Variants in RPRD2 observed in about 807,000 individuals in gnomAD.
RPRD2 encodes the protein regulation of nuclear pre-mRNA domain containing 2.
Under a neutral mutation model 104.4 loss-of-function variants are expected in RPRD2, and 12 were observed. The observed-to-expected ratio is 0.11, with a 90% CI of 0.07 to 0.19. The LOEUF is 0.19. Among genes scored for constraint, RPRD2 ranks in the 10% least tolerant of loss-of-function variants. The pLI is 1.00. For missense variants in RPRD2, 1,543 were observed against 1,790.1 expected, an observed-to-expected ratio of 0.86 and a Z score of 2.49; for synonymous variants, 714 against 684.9, an observed-to-expected ratio of 1.04 and a Z score of -0.66.
intron 1 of RPRD2, among the ~76,000 whole-genome samples, chr1:150,370,477 C>T (rs1322805935): frequency 3.3e-5 from 5 of 150,930 alleles, no homozygotes; most frequent in South Asian, 2.1e-4. Context: ...TTGTGAGAGA[C>T]GAATTGGACT....
intron 2 of RPRD2, among the ~76,000 whole-genome samples, chr1:150,428,168 T>G (rs1452362616): frequency 2.0e-5 from 3 of 152,040 alleles, no homozygotes; most frequent in African/African-American, 7.2e-5. Flanking sequence ...ATTTTTAGAA[T>G]GAAAATCTAT....
Position 150,475,368 on chromosome 1 carries a change from T to C in RPRD2, c.*2034T>C, listed in dbSNP as rs1668842480. 6.6e-6 allele frequency: 1 copy of C among 152,488 alleles called. No individual in the cohort carries two copies. The highest frequency in any genetic ancestry group is 6.5e-5 in the Admixed American group (1 of 15,276). 9.4% of individuals were successfully genotyped at this position (152,488 alleles called of 1,614,324 possible). A position where few individuals can be genotyped will look rare whatever the true frequency, so the allele number is the denominator to read the frequency against. Reference sequence around the variant, plus strand: ...AAAGAATGTGAATTCTCTTTGCTGCTCTTGTTTAAGCTAAAAGTAGTGTTT... The same window carrying C: ...AAAGAATGTGAATTCTCTTTGCTGCCCTTGTTTAAGCTAAAAGTAGTGTTT... On this transcript the variant is annotated 3_prime_UTR_variant, in exon 11 of 11. Coordinates refer to ENST00000369068, the MANE Select transcript of RPRD2 (RefSeq NM_015203.5).
chr1:150,474,493 A>G lies in RPRD2; in HGVS notation c.*1159A>G, dbSNP rs1410957202. The stretch of plus-strand genomic sequence containing the variant: ...ATTTCAAGGCTCAAGTCTTACCCCC[A>G]CCTCTCGCTCCCAATAGGAAATAAA... On this transcript the variant is annotated 3_prime_UTR_variant, in exon 11 of 11. Coordinates refer to ENST00000369068, the MANE Select transcript of RPRD2 (RefSeq NM_015203.5). The G allele has an allele frequency of 6.6e-6, 1 of 151,780 alleles. No homozygotes were observed. Among genetic ancestry groups the G allele is most frequent in the Non-Finnish European group, 1.5e-5 (1 of 67,950 alleles). The allele number at this position is 151,780 out of a possible 1,614,324, so 9.4% of individuals were successfully genotyped here. A position where few individuals can be genotyped will look rare whatever the true frequency, so the allele number is the denominator to read the frequency against.
intron 2 of RPRD2, among the ~76,000 whole-genome samples, chr1:150,429,687 A>G (rs945449815): frequency 1.3e-5 from 2 of 152,214 alleles, no homozygotes; most frequent in Admixed American, 1.3e-4. Flanking sequence ...CTATTTAGTA[A>G]CAGCAAAGAA....
chr1:150,388,257 T>A (rs1428180446), intron 1 of RPRD2, among the ~76,000 whole-genome samples: 2 of 151,676 alleles, frequency 1.3e-5, no homozygotes, highest in Non-Finnish European at 2.9e-5. Context: ...TTTGCAGTAG[T>A]TTTGGATTTA....
intron 2 of RPRD2, among the ~76,000 whole-genome samples, chr1:150,430,152 G>A (rs587766089): frequency 2.0e-5 from 3 of 152,284 alleles, no homozygotes; most frequent in Admixed American, 2.0e-4. Context: ...CATCGATTTA[G>A]TTCCTTCCCA....
intron 2 of RPRD2, among the ~76,000 whole-genome samples, chr1:150,422,364 T>TAATA (rs1664824651): frequency 1.0e-5 from 1 of 97,810 alleles, no homozygotes; most frequent in African/African-American, 3.9e-5. Context: ...ATAATAATAA[T>TAATA]AATAAATAAA....
intron 1 of RPRD2, among the ~76,000 whole-genome samples, chr1:150,413,464 G>A (rs1664093322): frequency 6.6e-6 from 1 of 152,142 alleles, no homozygotes; most frequent in Non-Finnish European, 1.5e-5. Context: ...TTAGCTGGGT[G>A]CGGTGGCGCA....
chr1:150,445,503 G>A (rs781898047), intron 6 of RPRD2, among the ~76,000 whole-genome samples: 2 of 152,132 alleles, frequency 1.3e-5, no homozygotes, highest in African/African-American at 2.4e-5. Flanking sequence ...TACTTTTCTC[G>A]TTTAAGAGAT....
At chr1:150,432,447 T>C (rs1665669826) in intron 2 of RPRD2, among the ~76,000 whole-genome samples, 1 of 151,870 alleles carries the variant, frequency 6.6e-6, no homozygotes. Flanking sequence ...CTTAATGTGG[T>C]AGTATTAAGA....
chr1:150,371,998 A>G (rs1553878477), intron 1 of RPRD2, among the ~76,000 whole-genome samples: 1 of 152,194 alleles, frequency 6.6e-6, no homozygotes, highest in East Asian at 1.9e-4. Context: ...ATTAATTAAA[A>G]AAAGGGAAAA....
chr1:150,433,727 T>G (rs1665784774), intron 2 of RPRD2, among the ~76,000 whole-genome samples: 1 of 119,006 alleles, frequency 8.4e-6, no homozygotes, highest in Admixed American at 7.9e-5. Context: ...TACCATAGTT[T>G]TTTTTTTAAC....
At chr1:150,448,409 T>C (rs1385384214) in intron 7 of RPRD2, among the ~76,000 whole-genome samples, 1 of 152,126 alleles carries the variant, frequency 6.6e-6, no homozygotes, top group Non-Finnish European at 1.5e-5. Context: ...CCTCAAGTGA[T>C]CCACCCACCT....
rs928029512 is a variant in RPRD2 at position 150,415,140 on chromosome 1, A to C, written c.206-2456A>C. On this transcript the variant is annotated intron_variant, in intron 1 of 10. Transcript: ENST00000369068. ...AGGATTTCAAGACCAGCCTGCCAGC[A>C]TAACATAGTGAAACTCCATCTCTAC... is the stretch of plus-strand genomic sequence containing the variant. Among the ~76,000 whole-genome samples the C allele has an allele frequency of 9.2e-5, 14 of 152,128 alleles. No individual in the cohort carries two copies. The South Asian group carries it at 2.5e-3, about 27-fold the overall frequency.
intron 7 of RPRD2, among the ~76,000 whole-genome samples, chr1:150,448,030 T>G (rs781960342): frequency 3.3e-5 from 5 of 152,234 alleles, no homozygotes; most frequent in Non-Finnish European, 7.3e-5. Flanking sequence ...ATTAAAGGAC[T>G]GTATTTACTA....
chr1:150,438,958 C>T (rs1260771196), intron 2 of RPRD2, among the ~76,000 whole-genome samples: 1 of 152,096 alleles, frequency 6.6e-6, no homozygotes, highest in Non-Finnish European at 1.5e-5. Context: ...CCTCAGCGTC[C>T]CGAGTAGCTG....
Position 150,471,415 on chromosome 1 carries a change from C to T in RPRD2, c.2467C>T (p.Pro823Ser). 6.2e-7 allele frequency: 1 copy of T among 1,613,828 alleles called. No individual in the cohort carries two copies. The highest frequency in any genetic ancestry group is 8.5e-7 in the Non-Finnish European group (1 of 1,179,870). ...GGACTCTTCACAGGAAAAGTTCTACCCAGATACTTCTTTCCAAGAAGATGA... is the reference window on the plus strand; with the variant it reads ...GGACTCTTCACAGGAAAAGTTCTACTCAGATACTTCTTTCCAAGAAGATGA... The part of the protein sequence containing the change: ...LMDSSQEKFY[P>S]DTSFQEDEDY... The change falls in exon 11 of 11, where the codon CCA (proline) becomes TCA (serine). Residue 823 changes from proline (P) to serine (S), a missense_variant. Coordinates refer to ENST00000369068, the MANE Select transcript of RPRD2 (RefSeq NM_015203.5). The surrounding 1 kb of genome is among the most constrained non-coding windows in gnomAD (Gnocchi z 5.3).
intron 2 of RPRD2, among the ~76,000 whole-genome samples, chr1:150,426,184 C>G (rs587642922): frequency 7.9e-5 from 12 of 152,318 alleles, no homozygotes; most frequent in African/African-American, 2.9e-4. Flanking sequence ...ACCACCAGCT[C>G]TCCTGAATCC....
intron 9 of RPRD2, among the ~76,000 whole-genome samples, chr1:150,464,204 T>TC (rs1668114534): frequency 6.6e-6 from 1 of 152,052 alleles, no homozygotes; most frequent in African/African-American, 2.4e-5. Flanking sequence ...GGACAGGGTT[T>TC]CCCCATGTTG....
Sources: allele counts gnomAD v4.1 joint callset (sites outside exome capture counted in the v4.1 genomes callset), GRCh38; gene constraint gnomAD v4.1.1; non-coding constraint Gnocchi (gnomAD v3.1); transcripts MANE v1.5; gene names NCBI Gene and HGNC (gene_info 2026-07-23, HGNC 2026-07-21).